PDE10A: variants seen among roughly 807,000 people sequenced by gnomAD.
PDE10A encodes cAMP and cAMP-inhibited cGMP 3',5'-cyclic phosphodiesterase 10A.
PDE10A carries 39 observed loss-of-function variants against 97.7 expected under a neutral mutation model. The ratio of observed to expected loss-of-function variants is 0.40; its 90% CI spans 0.31 to 0.52. PDE10A has a LOEUF of 0.52. PDE10A is among the 20% of genes least tolerant of loss of function. The pLI is 0.56. For synonymous variants in PDE10A, 371 were observed against 376.8 expected (o/e 0.98, Z 0.18); for missense variants, 731 against 1,047.8 (o/e 0.70, Z 4.17).
At chr6:165,442,350 G>C (rs1396902849) in intron 5 of PDE10A, among the ~76,000 whole-genome samples, 1 of 151,862 alleles carries the variant, frequency 6.6e-6, no homozygotes, top group Non-Finnish European at 1.5e-5. Flanking sequence ...GTGTCCATGT[G>C]TCCTCATTGT....
chr6:165,735,312 AGGTAGGTT>A (rs757495521), intron 1 of PDE10A, among the ~76,000 whole-genome samples: 62 of 150,910 alleles, frequency 4.1e-4, no homozygotes, highest in Admixed American at 8.6e-4. Flanking sequence ...GTAGATAGAT[AGGTAGGTT>A]GGTAGGTAGG....
rs369558661 is a variant in PDE10A, at chr6:165,543,408, T to C, written c.994+32A>G. 4.4e-5 allele frequency: 69 copies of C among 1,586,184 alleles called. No homozygotes were observed. The East Asian group carries it at 4.7e-4, about 11-fold the overall frequency. Reference sequence around the variant, plus strand: ...TCTTTTGCCGTAAGATAGAAAAAGCTGGTTTAAAATGAGATCCACAAGAGA... The same window carrying C: ...TCTTTTGCCGTAAGATAGAAAAAGCCGGTTTAAAATGAGATCCACAAGAGA... On this transcript the variant is annotated intron_variant, in intron 2 of 21. Coordinates refer to ENST00000539869, the MANE Select transcript of PDE10A (RefSeq NM_001385079.1).
chr6:165,673,419 A>T lies in PDE10A; in HGVS notation c.-614-129851T>A, dbSNP rs149647193. Among the ~76,000 whole-genome samples the T allele has an allele frequency of 3.7e-3, 568 of 152,322 alleles. 9 individuals carry two copies. In the Middle Eastern group the frequency reaches 0.051, roughly 14 times the overall value. On this transcript the variant is annotated intron_variant, in intron 1 of 19. Transcript: ENST00000366882. ...TAATTGTTTTATTTTGTGTCACAGC[A>T]GATTTGGATTTATTGTAGCTTCTCT...
chr6:165,673,465 G>A (rs1327625098), intron 1 of PDE10A, among the ~76,000 whole-genome samples: 1 of 152,210 alleles, frequency 6.6e-6, no homozygotes, highest in Non-Finnish European at 1.5e-5. Context: ...GAAAGGCGAG[G>A]GTTAAAACCT....
intron 18 of PDE10A, 40 bp from the exon 19 acceptor site, chr6:165,343,542 G>T: frequency 7.2e-7 from 1 of 1,391,666 alleles, no homozygotes. Flanking sequence ...CATAGCATTT[G>T]CACATTTATA....
At chr6:165,564,329 C>G (rs1165548627) in intron 1 of PDE10A, among the ~76,000 whole-genome samples, 1 of 152,160 alleles carries the variant, frequency 6.6e-6, no homozygotes, top group Non-Finnish European at 1.5e-5. Flanking sequence ...CTCTCTAGTC[C>G]TGCTGCCCAT....
rs549403486 is a variant in PDE10A at position 165,447,809 on chromosome 6, G to A, written c.1194+1119C>T. ...TGAAAGGCACTAGGAGAGGGGCTTG[G>A]GAAATACAAGAATGAACAAGAAAAT... On this transcript the variant is annotated intron_variant, in intron 5 of 21. Coordinates refer to ENST00000539869, the MANE Select transcript of PDE10A (RefSeq NM_001385079.1). 2.4e-3 allele frequency among the ~76,000 whole-genome samples: 368 copies of A among 152,198 alleles called. 4 individuals carry two copies. The highest frequency in any genetic ancestry group is 1.1e-3 in the Non-Finnish European group (77 of 67,996).
At chr6:165,679,523 G>A (rs993517171) in intron 1 of PDE10A, among the ~76,000 whole-genome samples, 2 of 152,174 alleles carry the variant, frequency 1.3e-5, no homozygotes, top group Non-Finnish European at 2.9e-5. Flanking sequence ...CTCCTGACAG[G>A]CCTCCTGGAG....
chr6:165,797,810 C>G (rs1778869332), intron 1 of PDE10A, among the ~76,000 whole-genome samples: 1 of 152,180 alleles, frequency 6.6e-6, no homozygotes, highest in South Asian at 2.1e-4. Flanking sequence ...TACACATACA[C>G]AGCAAATGTC....
At chr6:165,619,404 GTAGT>G (rs1787950224) in intron 1 of PDE10A, among the ~76,000 whole-genome samples, 1 of 127,606 alleles carries the variant, frequency 7.8e-6, no homozygotes. Flanking sequence ...GTAGTGTAGT[GTAGT>G]CTAGTGTAGT....
In PDE10A at chr6:165,897,641, C is replaced by T. The variant is rs78491201; in HGVS notation, c.-615+89888G>A. 5.3e-4 allele frequency among the ~76,000 whole-genome samples: 81 copies of T among 151,622 alleles called. 1 individual carries two copies. The highest frequency in any genetic ancestry group is 1.9e-3 in the African/African-American group (78 of 41,308). On this transcript the variant is annotated intron_variant, in intron 1 of 19. Coordinates refer to the PDE10A transcript ENST00000366882. ...GACCAGACCCGCCCCCCAGCCCCCC[C>T]ACCTCCAGGCTTCTTGCTTTGCTTC...
chr6:165,407,270 G>C (rs1407344948), intron 13 of PDE10A, among the ~76,000 whole-genome samples: 1 of 152,146 alleles, frequency 6.6e-6, no homozygotes, highest in African/African-American at 2.4e-5. Context: ...ATGTCAGAGA[G>C]AAGCCAGCAC....
intron 21 of PDE10A, among the ~76,000 whole-genome samples, chr6:165,333,470 G>T (rs527309560): frequency 1.3e-5 from 2 of 152,090 alleles, no homozygotes; most frequent in South Asian, 4.2e-4. Context: ...ACGCGGGATC[G>T]TGCAAAGGAG....
intron 1 of PDE10A, among the ~76,000 whole-genome samples, chr6:165,824,828 T>C (rs917311085): frequency 6.6e-6 from 1 of 151,956 alleles, no homozygotes; most frequent in African/African-American, 2.4e-5. Flanking sequence ...TGTTGCATTG[T>C]ATTTGAAAGG....
intron 1 of PDE10A, among the ~76,000 whole-genome samples, chr6:165,577,856 C>G (rs1785398828): frequency 6.6e-6 from 1 of 152,194 alleles, no homozygotes; most frequent in East Asian, 1.9e-4. Context: ...CTTCCTACAG[C>G]TGGGGAGGGC....
chr6:165,392,183 G>A (rs1785771425), intron 16 of PDE10A, among the ~76,000 whole-genome samples: 1 of 152,152 alleles, frequency 6.6e-6, no homozygotes, highest in African/African-American at 2.4e-5. Flanking sequence ...CACTAACTCT[G>A]GGTATTTAAA....
At chr6:165,624,678 C>G (rs1375393645) in intron 1 of PDE10A, among the ~76,000 whole-genome samples, 1 of 152,198 alleles carries the variant, frequency 6.6e-6, no homozygotes, top group Non-Finnish European at 1.5e-5. Context: ...CTTCACTGAG[C>G]AGCAGCTCTG....
chr6:165,881,405 T>A (rs1356022187), intron 1 of PDE10A, among the ~76,000 whole-genome samples: 73 of 145,454 alleles, frequency 5.0e-4, no homozygotes, highest in African/African-American at 1.8e-3. Context: ...TTTTTTTTTT[T>A]TTTTTTTTTG....
chr6:165,873,086 C>G (rs1781246070), intron 1 of PDE10A, among the ~76,000 whole-genome samples: 1 of 152,214 alleles, frequency 6.6e-6, no homozygotes, highest in South Asian at 2.1e-4. Context: ...TCCTAGGCCT[C>G]AGCCTCCTGG....
Sources: gnomAD v4.1 joint callset for allele counts (sites outside exome capture counted in the v4.1 genomes callset) on GRCh38, gnomAD v4.1.1 for gene constraint, MANE v1.5 for transcripts, NCBI Gene and HGNC (gene_info 2026-07-23, HGNC 2026-07-21) for gene names.